Variants in ZNF385D observed in about 807,000 individuals in gnomAD.
ZNF385D encodes the protein zinc finger protein 659.
In ZNF385D, 15 loss-of-function variants were observed where a neutral mutation model predicts 35.8. That is an observed-to-expected ratio of 0.42 (90% CI 0.28 to 0.64). The LOEUF is 0.64. ZNF385D is among the 30% of genes least tolerant of loss of function. The probability of loss-of-function intolerance (pLI) is 0.23; values close to 1 mark genes in which losing one functional copy is unlikely to be tolerated. For missense variants in ZNF385D, 474 were observed against 494.6 expected (o/e 0.96, Z 0.39); for synonymous variants, 212 against 186.8 (o/e 1.13, Z -1.10).
intron 3 of ZNF385D, among the ~76,000 whole-genome samples, chr3:22,134,701 C>T (rs1354248613): frequency 6.6e-6 from 1 of 152,154 alleles, no homozygotes; most frequent in Non-Finnish European, 1.5e-5. Context: ...GATTATTTGG[C>T]TCACAGCACT....
chr3:21,747,497 AG>A (rs1325452433), intron 1 of ZNF385D, among the ~76,000 whole-genome samples: 3 of 152,192 alleles, frequency 2.0e-5, no homozygotes, highest in African/African-American at 7.2e-5. Context: ...GCAAAGGGTG[AG>A]ACATGGCATC....
At chr3:22,153,935 G>A (rs573432454) in intron 3 of ZNF385D, among the ~76,000 whole-genome samples, 2 of 152,078 alleles carry the variant, frequency 1.3e-5, no homozygotes, top group African/African-American at 4.8e-5. Flanking sequence ...GCTAATCATG[G>A]TAGCACTCTC....
rs926689056 is a variant in ZNF385D, at chr3:21,458,690, G to A, written c.440-21487C>T. ...AACATTATGCTAAATAAAAGAAATCGGCCACAAAATACCAGGTATTCTGTG... is the reference window on the plus strand; with the variant it reads ...AACATTATGCTAAATAAAAGAAATCAGCCACAAAATACCAGGTATTCTGTG... On this transcript the variant is annotated intron_variant, in intron 4 of 7. Coordinates refer to ENST00000281523, the MANE Select transcript of ZNF385D (RefSeq NM_024697.3). Among the ~76,000 whole-genome samples the A allele has an allele frequency of 1.1e-3, 165 of 151,876 alleles. 1 individual carries two copies. Among genetic ancestry groups the A allele is most frequent in the African/African-American group, 3.6e-3 (149 of 41,404 alleles).
At chr3:22,158,788 G>T (rs577627297) in intron 3 of ZNF385D, among the ~76,000 whole-genome samples, 21 of 133,236 alleles carry the variant, frequency 1.6e-4, no homozygotes, top group African/African-American at 5.6e-4. Flanking sequence ...ATAGAAACTA[G>T]AAGCCAGTTT....
chr3:21,424,764 G>C (rs1219359276), intron 6 of ZNF385D, among the ~76,000 whole-genome samples: 2 of 127,190 alleles, frequency 1.6e-5, no homozygotes, highest in Non-Finnish European at 3.2e-5. Flanking sequence ...AATAAACAAA[G>C]ATGCCCAGGG....
At chr3:21,795,975 T>TA (rs2125673185) in intron 3 of ZNF385D, among the ~76,000 whole-genome samples, 1 of 152,358 alleles carries the variant, frequency 6.6e-6, no homozygotes, top group East Asian at 1.9e-4. Context: ...AAAGATCTAA[T>TA]AGTCTAGGGT....
chr3:21,877,603 T>C (rs932484391), intron 3 of ZNF385D, among the ~76,000 whole-genome samples: 9 of 152,122 alleles, frequency 5.9e-5, no homozygotes, highest in African/African-American at 2.2e-4. Context: ...CTGTGCTGTA[T>C]AGCAGTTCTT....
intron 3 of ZNF385D, among the ~76,000 whole-genome samples, chr3:22,157,921 G>C (rs1006819066): frequency 6.6e-6 from 1 of 152,052 alleles, no homozygotes; most frequent in African/African-American, 2.4e-5. Flanking sequence ...ACCTTAACTG[G>C]AATAGAGTCT....
chr3:21,704,422 ATACCATTCTTCATT>A (rs1252951604), intron 1 of ZNF385D, among the ~76,000 whole-genome samples: 2 of 152,096 alleles, frequency 1.3e-5, no homozygotes, highest in Admixed American at 6.5e-5. Flanking sequence ...TTCCCCTTGA[ATACCATTCTTCATT>A]TACTATCCCT....
At chr3:22,218,887 C>T (rs938936470) in intron 2 of ZNF385D, among the ~76,000 whole-genome samples, 2 of 152,022 alleles carry the variant, frequency 1.3e-5, no homozygotes, top group South Asian at 2.1e-4. Flanking sequence ...CTAGAGGGCT[C>T]ACTTTTTTCA....
At chr3:21,711,557 T>A (rs143402391) in intron 1 of ZNF385D, among the ~76,000 whole-genome samples, 2 of 152,276 alleles carry the variant, frequency 1.3e-5, no homozygotes, top group East Asian at 1.9e-4. Context: ...CCAGAACCCA[T>A]ACATCATTGA....
chr3:22,207,514 C>T (rs1639894401), intron 2 of ZNF385D, among the ~76,000 whole-genome samples: 1 of 151,926 alleles, frequency 6.6e-6, no homozygotes, highest in South Asian at 2.1e-4. Flanking sequence ...GAAAACTCTT[C>T]CACACATTGG....
chr3:22,166,386 T>C (rs565863863), intron 3 of ZNF385D, among the ~76,000 whole-genome samples: 1 of 152,196 alleles, frequency 6.6e-6, no homozygotes. Context: ...TCTGTTTGAA[T>C]GAAGAAAGGC....
intron 2 of ZNF385D, among the ~76,000 whole-genome samples, chr3:22,237,195 CTT>C (rs34524822): frequency 0.043 from 6,559 of 151,594 alleles, 250 homozygotes; most frequent in South Asian, 0.11. Context: ...AGTTAATATC[CTT>C]TTTTTTTTAT....
intron 3 of ZNF385D, among the ~76,000 whole-genome samples, chr3:21,903,478 G>C (rs1416715306): frequency 6.6e-6 from 1 of 152,088 alleles, no homozygotes; most frequent in African/African-American, 2.4e-5. Context: ...ATCATCTCAG[G>C]CAGTCAAAAG....
intron 3 of ZNF385D, among the ~76,000 whole-genome samples, chr3:21,845,834 A>C (rs1272522703): frequency 6.6e-6 from 1 of 151,982 alleles, no homozygotes; most frequent in Non-Finnish European, 1.5e-5. Context: ...TTTCTACATC[A>C]ATGTCAGATT....
intron 2 of ZNF385D, among the ~76,000 whole-genome samples, chr3:22,212,821 A>G (rs1450850692): frequency 6.6e-6 from 1 of 151,988 alleles, no homozygotes; most frequent in Admixed American, 6.6e-5. Context: ...TTCGCTTGTT[A>G]TCTTATTTAT....
At chr3:22,264,064 T>C (rs948548805) in intron 2 of ZNF385D, among the ~76,000 whole-genome samples, 2 of 151,852 alleles carry the variant, frequency 1.3e-5, no homozygotes, top group Middle Eastern at 3.2e-3. Context: ...CAAAGGGATA[T>C]GGAATGGAGT....
intron 3 of ZNF385D, among the ~76,000 whole-genome samples, chr3:21,875,176 T>A (rs1697897181): frequency 6.6e-6 from 1 of 152,148 alleles, no homozygotes; most frequent in Non-Finnish European, 1.5e-5. Context: ...TTTCTACATA[T>A]TAGACCATGT....
Sources: allele counts gnomAD v4.1 joint callset (sites outside exome capture counted in the v4.1 genomes callset), GRCh38; gene constraint gnomAD v4.1.1; transcripts MANE v1.5; gene names NCBI Gene and HGNC (gene_info 2026-07-23, HGNC 2026-07-21).